CNTNAP2: variants seen among roughly 807,000 people sequenced by gnomAD.
CNTNAP2 encodes contactin-associated protein-like 2.
In CNTNAP2, 98 loss-of-function variants were observed where a neutral mutation model predicts 155.2. The ratio of observed to expected loss-of-function variants is 0.63; its 90% CI spans 0.54 to 0.75. The LOEUF (loss-of-function observed/expected upper bound fraction) is 0.75. Ranked by LOEUF, CNTNAP2 falls within the 30% of genes least tolerant of loss-of-function variation. The pLI, the probability that CNTNAP2 is intolerant of heterozygous loss-of-function variation, is 0.00. For missense variants in CNTNAP2, 1,727 were observed against 1,688.1 expected (o/e 1.02, Z -0.40); for synonymous variants, 651 against 631.2 (o/e 1.03, Z -0.47).
intron 3 of CNTNAP2, among the ~76,000 whole-genome samples, chr7:146,906,630 T>C (rs1160620302): frequency 1.3e-5 from 2 of 152,096 alleles, no homozygotes; most frequent in African/African-American, 4.8e-5. Flanking sequence ...AGAAAGGACA[T>C]CCACACCGAA....
intron 1 of CNTNAP2, among the ~76,000 whole-genome samples, chr7:146,254,431 G>A (rs546868326): frequency 2.2e-4 from 33 of 152,218 alleles, no homozygotes; most frequent in African/African-American, 7.7e-4. Context: ...CATACAGATC[G>A]TACCCAAGTA....
chr7:147,473,580 A>G (rs1200317015), intron 10 of CNTNAP2, among the ~76,000 whole-genome samples: 4 of 152,168 alleles, frequency 2.6e-5, no homozygotes, highest in African/African-American at 7.2e-5. Context: ...TATTTTTAAT[A>G]ATACGAAAGG....
At chr7:146,416,975 G>T (rs1385860699) in intron 1 of CNTNAP2, among the ~76,000 whole-genome samples, 1 of 151,924 alleles carries the variant, frequency 6.6e-6, no homozygotes, top group African/African-American at 2.4e-5. Flanking sequence ...ACCTTCTATC[G>T]CCTGATTTTA....
chr7:147,039,827 A>T (rs1280439748), intron 3 of CNTNAP2, among the ~76,000 whole-genome samples: 1 of 152,174 alleles, frequency 6.6e-6, no homozygotes, highest in Admixed American at 6.5e-5. Context: ...CAAAACCTAA[A>T]TGTAAAACCC....
intron 1 of CNTNAP2, among the ~76,000 whole-genome samples, chr7:146,485,420 G>T (rs2129129818): frequency 6.6e-6 from 1 of 152,264 alleles, no homozygotes; most frequent in South Asian, 2.1e-4. Context: ...ATTGAGAGAT[G>T]AGGAAAGTCA....
Position 146,962,108 on chromosome 7 carries a change from TTTG to T in CNTNAP2, c.403-81796_403-81794del, listed in dbSNP as rs553791165. On this transcript the variant is annotated intron_variant, in intron 3 of 23. Coordinates refer to ENST00000361727, the MANE Select transcript of CNTNAP2 (RefSeq NM_014141.6). ...TAATCTTGTTGTTCATTCAGTATAA[TTTG>T]TTTTCTAACATAAACTTGATCTTTA... is the stretch of plus-strand genomic sequence containing the variant. Among the ~76,000 whole-genome samples the T allele has an allele frequency of 2.3e-3, 352 of 152,330 alleles. 1 individual carries two copies. The highest frequency in any genetic ancestry group is 7.3e-3 in the African/African-American group (303 of 41,580).
chr7:146,908,533 A>C (rs975274163), intron 3 of CNTNAP2, among the ~76,000 whole-genome samples: 1 of 133,734 alleles, frequency 7.5e-6, no homozygotes, highest in Non-Finnish European at 1.6e-5. Flanking sequence ...AAACTGAACA[A>C]CCTGCTCCTG....
At chr7:146,396,362 T>C (rs1184482174) in intron 1 of CNTNAP2, among the ~76,000 whole-genome samples, 1 of 152,106 alleles carries the variant, frequency 6.6e-6, no homozygotes, top group Non-Finnish European at 1.5e-5. Flanking sequence ...AAATAAGATA[T>C]TAAGCAAGAA....
intron 1 of CNTNAP2, among the ~76,000 whole-genome samples, chr7:146,230,582 A>G (rs755656657): frequency 1.1e-4 from 17 of 152,362 alleles, no homozygotes; most frequent in Admixed American, 3.9e-4. Context: ...GTAATTGGCT[A>G]TAACTGGTGA....
At chr7:147,581,846 G>A (rs1800506686) in intron 12 of CNTNAP2, among the ~76,000 whole-genome samples, 1 of 152,068 alleles carries the variant, frequency 6.6e-6, no homozygotes, top group South Asian at 2.1e-4. Flanking sequence ...GTAGGAGTTT[G>A]CTAAATAAAT....
At chr7:147,505,497 G>C (rs939962888) in intron 11 of CNTNAP2, among the ~76,000 whole-genome samples, 2 of 152,120 alleles carry the variant, frequency 1.3e-5, no homozygotes, top group African/African-American at 2.4e-5. Flanking sequence ...TCTTAAAATA[G>C]AGCCAATTAT....
At chr7:146,371,937 C>T (rs572342836) in intron 1 of CNTNAP2, among the ~76,000 whole-genome samples, 3 of 145,688 alleles carry the variant, frequency 2.1e-5, no homozygotes, top group African/African-American at 5.3e-5. Flanking sequence ...CCAGCCTGGG[C>T]GACAGAGTGA....
Position 148,415,984 on chromosome 7 carries a change from C to T in CNTNAP2, c.*368C>T, listed in dbSNP as rs576447803. 12 of 256,378 alleles carry T rather than the reference C, an allele frequency of 4.7e-5. No homozygotes were observed. The highest frequency in any genetic ancestry group is 8.9e-5 in the Non-Finnish European group (12 of 134,734). 15.9% of individuals were successfully genotyped at this position (256,378 alleles called of 1,614,324 possible). On this transcript the variant is annotated 3_prime_UTR_variant, in exon 24 of 24. Coordinates refer to ENST00000361727, the MANE Select transcript of CNTNAP2 (RefSeq NM_014141.6). ...TCTACGTTTTTAAGAGCCCTTAGAACGTGGGTATTTTTTTTCTTGAGAAAA... is the reference window on the plus strand; with the variant it reads ...TCTACGTTTTTAAGAGCCCTTAGAATGTGGGTATTTTTTTTCTTGAGAAAA...
At chr7:148,159,692 T>C (rs1805479458) in intron 17 of CNTNAP2, among the ~76,000 whole-genome samples, 1 of 152,140 alleles carries the variant, frequency 6.6e-6, no homozygotes, top group Non-Finnish European at 1.5e-5. Context: ...TACTGAGTCA[T>C]AGAGTATGTG....
At chr7:148,288,253 C>G (rs1797123869) in intron 21 of CNTNAP2, among the ~76,000 whole-genome samples, 1 of 151,748 alleles carries the variant, frequency 6.6e-6, no homozygotes, top group Non-Finnish European at 1.5e-5. Flanking sequence ...GCGCCCACCA[C>G]CATGCCCAGC....
At chr7:146,828,405 A>G (rs1416321757) in intron 2 of CNTNAP2, among the ~76,000 whole-genome samples, 2 of 152,072 alleles carry the variant, frequency 1.3e-5, no homozygotes, top group Admixed American at 1.3e-4. Flanking sequence ...CATTTTAAAT[A>G]AAGAACGCAG....
chr7:147,641,192 C>T (rs1205524058), intron 13 of CNTNAP2, among the ~76,000 whole-genome samples: 3 of 145,202 alleles, frequency 2.1e-5, no homozygotes, highest in Non-Finnish European at 4.4e-5. Context: ...CCCCTTTTCC[C>T]CTCTATGTGT....
intron 10 of CNTNAP2, among the ~76,000 whole-genome samples, chr7:147,440,734 T>A (rs1447495439): frequency 1.3e-5 from 2 of 152,200 alleles, no homozygotes; most frequent in African/African-American, 4.8e-5. Context: ...TCACCAGATA[T>A]ACCATTCTAG....
chr7:147,629,549 A>G (rs1795047509), intron 12 of CNTNAP2, among the ~76,000 whole-genome samples: 1 of 151,984 alleles, frequency 6.6e-6, no homozygotes. Context: ...AACACACAGA[A>G]CATTCTCCAA....
Sources: allele counts gnomAD v4.1 joint callset (sites outside exome capture counted in the v4.1 genomes callset), GRCh38; gene constraint gnomAD v4.1.1; transcripts MANE v1.5; gene names NCBI Gene and HGNC (gene_info 2026-07-23, HGNC 2026-07-21).